DPY19L2: variants seen among roughly 807,000 people sequenced by gnomAD.
DPY19L2 encodes the protein dpy-19 like 2, also known as probable C-mannosyltransferase DPY19L2.
Under a neutral mutation model 97.9 loss-of-function variants are expected in DPY19L2, and 34 were observed. The ratio of observed to expected loss-of-function variants is 0.35; its 90% confidence interval spans 0.26 to 0.46. DPY19L2 has a LOEUF of 0.46. Among genes scored for constraint, DPY19L2 ranks in the 20% least tolerant of loss-of-function variants. The probability of loss-of-function intolerance (pLI) is 1.00; values close to 1 mark genes in which losing one functional copy is unlikely to be tolerated. For synonymous variants in DPY19L2, 230 were observed against 307.9 expected (o/e 0.75, Z 2.65); for missense variants, 623 against 911.4 (o/e 0.68, Z 4.07).
chr12:63,636,158 T>C (rs920444845), intron 6 of DPY19L2, among the ~76,000 whole-genome samples: 3 of 152,104 alleles, frequency 2.0e-5, no homozygotes, highest in South Asian at 2.1e-4. Context: ...CAACCCAGAA[T>C]TTCATATCCA....
At chr12:63,610,855 A>AAAAAAAAAAC (rs1886847215) in intron 11 of DPY19L2, among the ~76,000 whole-genome samples, 2 of 95,672 alleles carry the variant, frequency 2.1e-5, no homozygotes, top group African/African-American at 3.5e-5. Context: ...AAAAAAAAAA[A>AAAAAAAAAAC]AAAAAAAAAA....
intron 4 of DPY19L2, among the ~76,000 whole-genome samples, chr12:63,654,850 G>T (rs1399333180): frequency 1.3e-5 from 2 of 152,142 alleles, no homozygotes; most frequent in Non-Finnish European, 2.9e-5. Flanking sequence ...AAAACAGATA[G>T]ATGTCAACGG....
At chr12:63,605,368 T>C (rs1885864430) in intron 12 of DPY19L2, among the ~76,000 whole-genome samples, 1 of 152,200 alleles carries the variant, frequency 6.6e-6, no homozygotes, top group South Asian at 2.1e-4. Context: ...AGCATTTCCC[T>C]GGAACCTCTT....
chr12:63,559,107 C>T lies in DPY19L2; in HGVS notation c.*1405G>A, dbSNP rs376743947. ...TAGGTGTTATGTCTCTTTTCTTTGA[C>T]GCTCTCCTTTTTTATCCTGTGCTTA... On this transcript the variant is annotated 3_prime_UTR_variant, in exon 22 of 22. Transcript: ENST00000324472. The T allele has an allele frequency of 4.8e-4, 73 of 152,186 alleles. 1 individual carries two copies. In the East Asian group the frequency reaches 0.011, roughly 22 times the overall value. The allele number at this position is 152,186 out of a possible 1,614,324, so 9.4% of individuals were successfully genotyped here. A position where few individuals can be genotyped will look rare whatever the true frequency, so the allele number is the denominator to read the frequency against.
At chr12:63,664,610 C>A (rs61935168) in intron 2 of DPY19L2, among the ~76,000 whole-genome samples, 30,432 of 151,854 alleles carry the variant, frequency 0.2, 3,536 homozygotes, top group Non-Finnish European at 0.27. Flanking sequence ...CTTTCAAGTG[C>A]CAAAGAATAC....
At chr12:63,599,189 A>C (rs1161363918) in intron 13 of DPY19L2, among the ~76,000 whole-genome samples, 3 of 152,016 alleles carry the variant, frequency 2.0e-5, no homozygotes, top group Non-Finnish European at 4.4e-5. Context: ...AAAAAAAAAA[A>C]AAAAAAAAGA....
intron 19 of DPY19L2, among the ~76,000 whole-genome samples, chr12:63,575,441 T>C (rs1261812279): frequency 6.6e-6 from 1 of 151,408 alleles, no homozygotes; most frequent in African/African-American, 2.4e-5. Flanking sequence ...CCAAAGTTAG[T>C]AAGAGAAATA....
chr12:63,581,119 C>T (rs1239478869), intron 18 of DPY19L2, among the ~76,000 whole-genome samples: 1 of 152,158 alleles, frequency 6.6e-6, no homozygotes, highest in African/African-American at 2.4e-5. Context: ...AAACAAATCA[C>T]AACTGTGAAA....
chr12:63,611,175 C>A (rs2137681637), intron 11 of DPY19L2, among the ~76,000 whole-genome samples: 1 of 152,060 alleles, frequency 6.6e-6, no homozygotes, highest in African/African-American at 2.4e-5. Flanking sequence ...AAGGGCACAT[C>A]AGGTAGTCTA....
chr12:63,657,096 G>A (rs1183219883), intron 4 of DPY19L2, among the ~76,000 whole-genome samples: 1 of 152,118 alleles, frequency 6.6e-6, no homozygotes, highest in Admixed American at 6.5e-5. Flanking sequence ...CTGAAAGTTA[G>A]ACATGTTGTA....
rs1157620786 is a variant in DPY19L2, at chr12:63,624,151, C to T, written c.862-20G>A. ...GGTGGCCTGAAATCAACAAAATGCC[C>T]ACTTTACATCCTATTTACTACAACA... is the stretch of plus-strand genomic sequence containing the variant. On this transcript the variant is annotated intron_variant, in intron 7 of 21. Coordinates refer to ENST00000324472, the MANE Select transcript of DPY19L2 (RefSeq NM_173812.5). The T allele has an allele frequency of 1.3e-6, 2 of 1,568,186 alleles. No homozygotes were observed. The highest frequency in any genetic ancestry group is 1.8e-6 in the Non-Finnish European group (2 of 1,140,812).
At chr12:63,657,123 G>A (rs1895070648) in intron 4 of DPY19L2, among the ~76,000 whole-genome samples, 1 of 152,142 alleles carries the variant, frequency 6.6e-6, no homozygotes, top group Admixed American at 6.5e-5. Flanking sequence ...AGTAGACATA[G>A]AGGTCAGTAT....
At chr12:63,591,487 C>T (rs1882895121) in intron 16 of DPY19L2, among the ~76,000 whole-genome samples, 1 of 152,064 alleles carries the variant, frequency 6.6e-6, no homozygotes, top group South Asian at 2.1e-4. Flanking sequence ...CACTAAAAAA[C>T]ATGTCATTTG....
chr12:63,640,860 T>C (rs1048382584), intron 6 of DPY19L2, among the ~76,000 whole-genome samples: 5 of 152,190 alleles, frequency 3.3e-5, no homozygotes, highest in Admixed American at 3.3e-4. Context: ...CAAACCATTT[T>C]CAAAAATAGA....
intron 12 of DPY19L2, among the ~76,000 whole-genome samples, chr12:63,602,091 G>T (rs1185284431): frequency 6.6e-6 from 1 of 151,906 alleles, no homozygotes. Context: ...CAAAACAGAA[G>T]AATATTATGC....
In DPY19L2 at chr12:63,627,350, GTTGTT is replaced by G. The variant is rs767454360; in HGVS notation, c.804-829_804-825del. ...TTCTTTTGTTGTTGTTATTGTTGTT[GTTGTT>G]TTGTTTTGTTTTGAGACAGAGTCTT... On this transcript the variant is annotated intron_variant, in intron 6 of 21. Coordinates refer to ENST00000324472, the MANE Select transcript of DPY19L2 (RefSeq NM_173812.5). 2.5e-3 allele frequency among the ~76,000 whole-genome samples: 378 copies of G among 152,092 alleles called. 2 individuals carry two copies. The highest frequency in any genetic ancestry group is 4.1e-3 in the Non-Finnish European group (281 of 67,966).
chr12:63,597,961 C>A, intron 13 of DPY19L2, 51 bp from the exon 14 acceptor site: 1 of 1,361,178 alleles, frequency 7.3e-7, no homozygotes, highest in South Asian at 1.3e-5. Flanking sequence ...TGATTATAGC[C>A]TATAGACAGT....
intron 4 of DPY19L2, among the ~76,000 whole-genome samples, chr12:63,660,656 T>C (rs1247498810): frequency 6.6e-6 from 1 of 152,002 alleles, no homozygotes; most frequent in Non-Finnish European, 1.5e-5. Flanking sequence ...GTTTTAAGCA[T>C]TTCAAAATCT....
At chr12:63,633,013 T>C (rs1307751933) in intron 6 of DPY19L2, among the ~76,000 whole-genome samples, 7 of 152,276 alleles carry the variant, frequency 4.6e-5, no homozygotes, top group South Asian at 2.1e-4. Context: ...GCTAGCCATA[T>C]GTAGAAAGCT....
Sources: allele counts gnomAD v4.1 joint callset (sites outside exome capture counted in the v4.1 genomes callset), GRCh38; gene constraint gnomAD v4.1.1; transcripts MANE v1.5; gene names NCBI Gene and HGNC (gene_info 2026-07-23, HGNC 2026-07-21).